The following MAST2 variants were observed in gnomAD, a reference collection of about 807,000 sequenced individuals.
MAST2 encodes microtubule associated serine/threonine kinase 2, also known as microtubule-associated serine/threonine-protein kinase 2.
MAST2 carries 70 observed loss-of-function variants against 147.4 expected under a neutral mutation model. The observed-to-expected ratio is 0.47, with a 90% confidence interval of 0.39 to 0.58. MAST2 has a LOEUF of 0.58. Among genes scored for constraint, MAST2 ranks in the 20% least tolerant of loss-of-function variants. The pLI is 0.00. For synonymous variants in MAST2, 869 were observed against 896.8 expected (o/e 0.97, Z 0.55); for missense variants, 2,080 against 2,302.3 (o/e 0.90, Z 1.98).
chr1:46,000,087 G>T (rs1645211867), intron 6 of MAST2, among the ~76,000 whole-genome samples: 2 of 152,370 alleles, frequency 1.3e-5, no homozygotes, highest in Non-Finnish European at 2.9e-5. Flanking sequence ...GCCGAAGCAG[G>T]CATATCACTT....
At chr1:45,987,776 G>GTT (rs1644692974) in intron 5 of MAST2, among the ~76,000 whole-genome samples, 135 of 30,676 alleles carry the variant, frequency 4.4e-3, no homozygotes, top group African/African-American at 0.012. Flanking sequence ...TTTTTTTTTT[G>GTT]ATTTTTTTTT....
chr1:45,874,332 C>A (rs373316623), intron 3 of MAST2, among the ~76,000 whole-genome samples: 1 of 152,136 alleles, frequency 6.6e-6, no homozygotes, highest in East Asian at 1.9e-4. Flanking sequence ...AAGTGGATCA[C>A]GAGGTCAGGA....
intron 4 of MAST2, among the ~76,000 whole-genome samples, chr1:45,958,980 TAATA>T (rs1660030682): frequency 6.6e-6 from 1 of 152,224 alleles, no homozygotes; most frequent in Admixed American, 6.5e-5. Context: ...TTTCATAGAT[TAATA>T]GTTTTGGGGG....
chr1:45,841,026 T>G (rs1645257862), intron 3 of MAST2, among the ~76,000 whole-genome samples: 1 of 152,120 alleles, frequency 6.6e-6, no homozygotes, highest in African/African-American at 2.4e-5. Context: ...CTCACTGCAG[T>G]CTGGACCTCT....
chr1:45,920,414 A>G (rs1653272690), intron 4 of MAST2, among the ~76,000 whole-genome samples: 1 of 152,128 alleles, frequency 6.6e-6, no homozygotes, highest in South Asian at 2.1e-4. Context: ...GCTGCTTCCT[A>G]GGCATGCAGT....
chr1:46,032,357 G>A lies in MAST2; in HGVS notation c.3367G>A (p.Val1123Ile), dbSNP rs767981878. 15 of 1,613,586 alleles carry A rather than the reference G, an allele frequency of 9.3e-6. No homozygotes were observed. Among genetic ancestry groups the A allele is most frequent in the Admixed American group, 3.3e-5 (2 of 59,980 alleles). The change falls in exon 25 of 29, where the codon GTC becomes ATC. Residue 1123 changes from valine (V) to isoleucine (I), a missense_variant. Val to Ile is a conservative substitution (Grantham distance 29). This residue lies in a region of MAST2 where 1,278 missense variants were observed against 1,304.2 expected (regional missense o/e 0.98). Transcript: ENST00000361297. ...KYGFTLRAIRVYMGDSDVYTV... is the reference protein window; with the variant it reads ...KYGFTLRAIRIYMGDSDVYTV... ...TGGCTTCACCCTGCGGGCCATTCGC[G>A]TCTACATGGGTGACTCCGATGTCTA...
intron 3 of MAST2, among the ~76,000 whole-genome samples, chr1:45,860,415 A>G (rs1176169080): frequency 1.3e-5 from 2 of 151,934 alleles, no homozygotes; most frequent in Non-Finnish European, 2.9e-5. Flanking sequence ...ATGTGAAGCA[A>G]GAATCAATAC....
At chr1:45,826,587 A>G (rs2147784638) in intron 2 of MAST2, among the ~76,000 whole-genome samples, 1 of 151,940 alleles carries the variant, frequency 6.6e-6, no homozygotes, top group East Asian at 1.9e-4. Flanking sequence ...TCCTGAGCTC[A>G]AGCAGTCCTT....
chr1:45,951,850 T>C (rs1658974871), intron 4 of MAST2, among the ~76,000 whole-genome samples: 1 of 152,114 alleles, frequency 6.6e-6, no homozygotes, highest in Admixed American at 6.5e-5. Context: ...CAACAGAATA[T>C]GGAGAAATGG....
At chr1:45,832,382 C>T (rs2147837421) in intron 3 of MAST2, among the ~76,000 whole-genome samples, 1 of 151,556 alleles carries the variant, frequency 6.6e-6, no homozygotes, top group South Asian at 2.1e-4. Context: ...CTCACTGCAC[C>T]CTCTGCTTCC....
At chr1:46,005,709 C>G (rs1016743173) in intron 7 of MAST2, among the ~76,000 whole-genome samples, 1 of 152,172 alleles carries the variant, frequency 6.6e-6, no homozygotes, top group South Asian at 2.1e-4. Flanking sequence ...TGCTGGACAT[C>G]AGGCCATAGT....
chr1:45,964,301 C>T (rs1660856403), intron 5 of MAST2, among the ~76,000 whole-genome samples: 1 of 152,162 alleles, frequency 6.6e-6, no homozygotes, highest in Admixed American at 6.5e-5. Flanking sequence ...GTACCAGCTC[C>T]TTCTTGTACC....
Position 45,875,556 on chromosome 1 carries a change from A to T in MAST2, c.469-6808A>T, listed in dbSNP as rs369943836. 1.7e-4 allele frequency among the ~76,000 whole-genome samples: 26 copies of T among 152,204 alleles called. No individual in the cohort carries two copies. The East Asian group carries it at 1.7e-3, about 10-fold the overall frequency. On this transcript the variant is annotated intron_variant, in intron 3 of 28. Transcript: ENST00000361297. ...ATTTACATTGATATAACATTAATCAAGGGGGACAAAACTGAATGAAAGGGA... is the reference window on the plus strand; with the variant it reads ...ATTTACATTGATATAACATTAATCATGGGGGACAAAACTGAATGAAAGGGA...
chr1:45,909,606 C>G (rs956622942), intron 4 of MAST2, among the ~76,000 whole-genome samples: 4 of 151,768 alleles, frequency 2.6e-5, no homozygotes, highest in African/African-American at 4.8e-5. Context: ...CAACCTCCCC[C>G]TCCTGGGTTC....
chr1:45,885,383 T>A (rs926764350), intron 4 of MAST2, among the ~76,000 whole-genome samples: 8 of 152,212 alleles, frequency 5.3e-5, no homozygotes, highest in African/African-American at 1.7e-4. Flanking sequence ...GCGTTTTTGT[T>A]AATTAATTTT....
At chr1:45,839,502 T>C (rs1422862601) in intron 3 of MAST2, among the ~76,000 whole-genome samples, 3 of 152,032 alleles carry the variant, frequency 2.0e-5, no homozygotes, top group South Asian at 4.2e-4. Flanking sequence ...TGGACTCCTG[T>C]ACTCAAGCAA....
chr1:46,021,865 A>G, intron 11 of MAST2, 85 bp from the exon 12 acceptor site: 14 of 1,299,470 alleles, frequency 1.1e-5, no homozygotes, highest in Non-Finnish European at 1.5e-5. Flanking sequence ...TGTTCATCTC[A>G]GTCTACTATA....
chr1:45,828,170 T>C (rs528533187), intron 2 of MAST2, among the ~76,000 whole-genome samples: 1 of 152,330 alleles, frequency 6.6e-6, no homozygotes, highest in South Asian at 2.1e-4. Flanking sequence ...TATGTCTTAA[T>C]TTTCTTCTGT....
chr1:45,837,786 A>AT (rs904232682), intron 3 of MAST2, among the ~76,000 whole-genome samples: 3 of 151,366 alleles, frequency 2.0e-5, no homozygotes, highest in Admixed American at 6.6e-5. Context: ...ATTATCATAT[A>AT]TTTTTTTTTG....
Sources: gnomAD v4.1 joint callset for allele counts (sites outside exome capture counted in the v4.1 genomes callset) on GRCh38, gnomAD v4.1.1 for gene constraint, gnomAD v4.1.1 regional missense constraint, MANE v1.5 for transcripts, NCBI Gene and HGNC (gene_info 2026-07-23, HGNC 2026-07-21) for gene names.